The following NCOR2 variants were observed in gnomAD, a reference collection of about 807,000 sequenced individuals.
NCOR2 encodes nuclear receptor corepressor 2, also known as CTG repeat protein 26.
NCOR2 carries 81 observed loss-of-function variants against 262.9 expected under a neutral mutation model. That is an observed-to-expected ratio of 0.31 (90% CI 0.26 to 0.37). The LOEUF (loss-of-function observed/expected upper bound fraction) is 0.37, where lower values mean the gene tolerates loss of function less well. Among genes scored for constraint, NCOR2 ranks in the 10% least tolerant of loss-of-function variants. The probability of loss-of-function intolerance (pLI) is 1.00; values close to 1 mark genes in which losing one functional copy is unlikely to be tolerated. For missense variants in NCOR2, 3,385 were observed against 3,621.4 expected (o/e 0.93, Z 1.68); for synonymous variants, 1,659 against 1,559.3 (o/e 1.06, Z -1.51).
At chr12:124,526,085 T>G (rs947876380) in intron 1 of NCOR2, among the ~76,000 whole-genome samples, 11 of 152,222 alleles carry the variant, frequency 7.2e-5, no homozygotes, top group Non-Finnish European at 1.3e-4. Context: ...GTTTGAAGCA[T>G]GTACACACAT....
chr12:124,506,236 T>A (rs1370730579), intron 1 of NCOR2, among the ~76,000 whole-genome samples: 1 of 152,226 alleles, frequency 6.6e-6, no homozygotes, highest in Non-Finnish European at 1.5e-5. Context: ...AAAGGTGAAC[T>A]GACTTGCCCA....
At chr12:124,400,446 C>T in intron 15 of NCOR2, 55 bp downstream of exon 17, 1 of 1,585,178 alleles carries the variant, frequency 6.3e-7, no homozygotes, top group Non-Finnish European at 8.6e-7. Context: ...CATATGAGCG[C>T]AACCCGCCGT....
intron 13 of NCOR2, among the ~76,000 whole-genome samples, chr12:124,407,839 C>T (rs79993284): frequency 1.3e-5 from 2 of 152,338 alleles, no homozygotes; most frequent in Non-Finnish European, 2.9e-5. Context: ...ATGACACCTT[C>T]CACCTCCTGG....
At chr12:124,341,226 C>T (rs1020575543) in intron 34 of NCOR2, among the ~76,000 whole-genome samples, 1 of 152,064 alleles carries the variant, frequency 6.6e-6, no homozygotes, top group Non-Finnish European at 1.5e-5. Flanking sequence ...AAACTCCAAA[C>T]AGCCTCACAT....
chr12:124,346,439 G>T (rs1426175261), intron 31 of NCOR2, 125 bp downstream of exon 33: 3 of 1,065,836 alleles, frequency 2.8e-6, no homozygotes, highest in Non-Finnish European at 2.5e-6. Flanking sequence ...GAGCAGCTGG[G>T]TGACTGTAAG....
At chr12:124,429,887 G>C (rs150678994) in intron 9 of NCOR2, among the ~76,000 whole-genome samples, 181 bp from the exon 12 acceptor site, 1,589 of 152,316 alleles carry the variant, frequency 0.01, 25 homozygotes, top group African/African-American at 0.036. Flanking sequence ...CCCCAACCCA[G>C]CAAGGCCAAA....
At position 124,503,593 on chromosome 12, in the gene NCOR2, TGGATG is replaced by T. The variant is rs1253172534; in HGVS notation, c.-117-8230_-117-8226del. 3.6e-5 allele frequency among the ~76,000 whole-genome samples: 5 copies of T among 140,114 alleles called. No homozygotes were observed. The highest frequency in any genetic ancestry group is 5.6e-5 in the African/African-American group (2 of 35,816). 91.9% of individuals were successfully genotyped at this position (140,114 alleles called of 152,430 possible). On this transcript the variant is annotated intron_variant, in intron 1 of 46. Coordinates refer to the NCOR2 transcript ENST00000404621. The surrounding 1 kb of genome is among the most constrained non-coding windows in gnomAD (Gnocchi z 4.3). ...GATGGAAGACGGACGGATGGACGGA[TGGATG>T]GATGGACGGACGGACGGATGGATGG...
chr12:124,336,754 C>T lies in NCOR2; in HGVS notation c.6114G>A (p.Leu2038=), dbSNP rs565225039. 6.8e-5 allele frequency: 110 copies of T among 1,613,026 alleles called. No individual in the cohort carries two copies. In the South Asian group the frequency reaches 7.4e-4, roughly 11 times the overall value. Reference sequence around the variant, plus strand: ...TGGCCGCTGTCAGGGTGGTCTTACCCAGAGAACGGAGTTCCAGTTCCTGGA... The same window carrying T: ...TGGCCGCTGTCAGGGTGGTCTTACCTAGAGAACGGAGTTCCAGTTCCTGGA... The change falls in exon 38 of 47, where the codon CTG becomes CTA. Residue 2038 remains leucine, a splice_region_variant and synonymous_variant. Transcript: ENST00000405201.
At chr12:124,352,124 C>A (rs2037533870) in intron 27 of NCOR2, among the ~76,000 whole-genome samples, 1 of 152,224 alleles carries the variant, frequency 6.6e-6, no homozygotes, top group African/African-American at 2.4e-5. Context: ...CAGTGTGGCA[C>A]AATAGGTGCT....
intron 2 of NCOR2, among the ~76,000 whole-genome samples, chr12:124,484,045 CT>C (rs2047645609): frequency 6.6e-6 from 1 of 152,128 alleles, no homozygotes; most frequent in Admixed American, 6.5e-5. Context: ...GTGACTGCCC[CT>C]CCCTTGCTAC....
At chr12:124,558,554 G>A (rs1478598047) in intron 1 of NCOR2, among the ~76,000 whole-genome samples, 6 of 152,206 alleles carry the variant, frequency 3.9e-5, no homozygotes, top group Admixed American at 2.6e-4. Context: ...GTGGGCCATC[G>A]AGAGGTGGCT....
rs2044032150 is a variant in NCOR2, at chr12:124,432,643, A to G, written c.883-1856T>C. On this transcript the variant is annotated intron_variant, in intron 8 of 46. Coordinates refer to ENST00000405201, the Ensembl canonical transcript of NCOR2. The surrounding 1 kb of genome is among the most constrained non-coding windows in gnomAD (Gnocchi z 5.1). ...CGCCAGAGAAAACCACATTCCAAGC[A>G]GTTCCTCATTCCCCAGCCTCACCCC... Among the ~76,000 whole-genome samples the G allele has an allele frequency of 6.6e-6, 1 of 152,130 alleles. No homozygotes were observed. Among genetic ancestry groups the G allele is most frequent in the Non-Finnish European group, 1.5e-5 (1 of 68,030 alleles).
intron 21 of NCOR2, among the ~76,000 whole-genome samples, chr12:124,363,456 G>T (rs1293397123): frequency 2.0e-5 from 3 of 152,230 alleles, no homozygotes; most frequent in Admixed American, 6.5e-5. Context: ...GAAGGGGGGA[G>T]GCCTTAGGCC....
chr12:124,551,791 C>CGGG (rs1214524733), intron 1 of NCOR2, among the ~76,000 whole-genome samples: 10 of 152,252 alleles, frequency 6.6e-5, no homozygotes, highest in African/African-American at 2.4e-4. Flanking sequence ...GAGGCGCGGG[C>CGGG]CGTTTTCTTC....
At chr12:124,438,619 C>T (rs10161137) in intron 7 of NCOR2, among the ~76,000 whole-genome samples, 68,661 of 151,776 alleles carry the variant, frequency 0.45, 18,299 homozygotes, top group Non-Finnish European at 0.57. Flanking sequence ...AGGTTACACA[C>T]ACCACTGCAG....
At chr12:124,383,796 G>A (rs1231665535) in intron 17 of NCOR2, among the ~76,000 whole-genome samples, 1 of 152,250 alleles carries the variant, frequency 6.6e-6, no homozygotes. Context: ...CAAGGTCACA[G>A]GGGTGCCCAA....
At position 124,432,020 on chromosome 12, in the gene NCOR2, GACAC is replaced by G. The variant is rs535584079; in HGVS notation, c.883-1237_883-1234del. ...TGGTCATGCAGGCAGACATATGACA[GACAC>G]ACACACAGTCCATCACACAGGCAGG... On this transcript the variant is annotated intron_variant, in intron 8 of 46. Coordinates refer to ENST00000405201, the Ensembl canonical transcript of NCOR2. This position sits in a 1 kb window ranked among gnomAD's most constrained non-coding sequence, Gnocchi z 5.1. 6.6e-6 allele frequency among the ~76,000 whole-genome samples: 1 copy of G among 151,572 alleles called. No homozygotes were observed. The highest frequency in any genetic ancestry group is 1.9e-4 in the East Asian group (1 of 5,138).
intron 1 of NCOR2, among the ~76,000 whole-genome samples, chr12:124,512,854 C>A (rs915215914): frequency 6.6e-6 from 1 of 152,222 alleles, no homozygotes; most frequent in African/African-American, 2.4e-5. Flanking sequence ...GCCCACGCCT[C>A]TCGGCCGAGG....
intron 16 of NCOR2, among the ~76,000 whole-genome samples, 192 bp downstream of exon 18, chr12:124,397,927 C>G (rs1246593923): frequency 1.3e-5 from 2 of 152,252 alleles, no homozygotes; most frequent in Non-Finnish European, 2.9e-5. Context: ...GCTGCACAGA[C>G]CCATTTTCTG....
Sources: allele counts gnomAD v4.1 joint callset (sites outside exome capture counted in the v4.1 genomes callset), GRCh38; gene constraint gnomAD v4.1.1; non-coding constraint Gnocchi (gnomAD v3.1); transcripts MANE v1.5; gene names NCBI Gene and HGNC (gene_info 2026-07-23, HGNC 2026-07-21).